Variants in RDH11 observed in about 807,000 individuals in gnomAD.
The protein encoded by RDH11 is HCV core-binding protein HCBP12.
In RDH11, 19 loss-of-function variants were observed where a neutral mutation model predicts 33.4. The observed-to-expected ratio is 0.57, with a 90% CI of 0.40 to 0.83. The LOEUF is 0.83. Ranked by LOEUF, RDH11 falls within the 40% of genes least tolerant of loss-of-function variation. The pLI is 0.00. For missense variants in RDH11, 353 were observed against 389.0 expected, an observed-to-expected ratio of 0.91 and a Z score of 0.78; for synonymous variants, 154 against 155.3, an observed-to-expected ratio of 0.99 and a Z score of 0.06.
intron 6 of RDH11, 31 bp from the exon 7 acceptor site, chr14:67,678,454 A>G: frequency 6.8e-7 from 1 of 1,473,512 alleles, no homozygotes; most frequent in East Asian, 2.3e-5. Flanking sequence ...TATGAAGCAC[A>G]GTGTTAAGAA....
Position 67,678,170 on chromosome 14 carries a change from C to T in RDH11, c.*151G>A, listed in dbSNP as rs964136396. 1.8e-4 allele frequency: 108 copies of T among 586,456 alleles called. No individual in the cohort carries two copies. The highest frequency in any genetic ancestry group is 3.0e-4 in the Non-Finnish European group (97 of 324,848). 36.3% of individuals were successfully genotyped at this position (586,456 alleles called of 1,614,324 possible). ...ACATTTAGACGAATCTGGCAGTACA[C>T]TGAGTTTTAACTGGACACCAAGCAG... On this transcript the variant is annotated 3_prime_UTR_variant, in exon 7 of 7. Transcript: ENST00000381346.
intron 1 of RDH11, among the ~76,000 whole-genome samples, chr14:67,694,407 C>A (rs1395272932): frequency 6.6e-6 from 1 of 150,678 alleles, no homozygotes; most frequent in Non-Finnish European, 1.5e-5. Context: ...CATAACCCTG[C>A]TGAGTTGGGA....
chr14:67,680,607 C>T (rs932977779), intron 6 of RDH11, among the ~76,000 whole-genome samples: 2 of 152,080 alleles, frequency 1.3e-5, no homozygotes, highest in African/African-American at 2.4e-5. Context: ...CACAGGGACA[C>T]GCCACCACGC....
In RDH11 at chr14:67,692,670, C is replaced by A. The variant is rs547247220; in HGVS notation, c.194-77G>T. On this transcript the variant is annotated intron_variant, in intron 2 of 6. Transcript: ENST00000381346. ...ATTATAAATCTAATGTTATTTCCAA[C>A]ATTTTTTTAAAAAACACACATTTTT... is the stretch of plus-strand genomic sequence containing the variant. The A allele has an allele frequency of 3.6e-5, 53 of 1,487,510 alleles. 1 individual carries two copies. In the South Asian group the frequency reaches 7.1e-4, roughly 20 times the overall value. 92.1% of individuals were successfully genotyped at this position (1,487,510 alleles called of 1,614,324 possible). A position where few individuals can be genotyped will look rare whatever the true frequency, so the allele number is the denominator to read the frequency against.
chr14:67,693,996 T>C (rs1301535154), intron 1 of RDH11, among the ~76,000 whole-genome samples: 3 of 152,160 alleles, frequency 2.0e-5, no homozygotes, highest in Admixed American at 6.6e-5. Context: ...CTTTTCCAAA[T>C]GAATGAATGC....
chr14:67,692,947 C>A lies in RDH11; in HGVS notation c.180G>T (p.Glu60Asp). Residue 60 changes from glutamate to aspartate, a missense_variant, in exon 2 of 7, where the codon GAG (glutamate) becomes GAT (aspartate). Coordinates refer to ENST00000381346, the MANE Select transcript of RDH11 (RefSeq NM_016026.4). ...NTGIGKETAK[E>D]LAQRGARVYL... ...AGGTGAACTTGCCTCTCTGAGCCAGCTCTTTGGCTGTCTCCTTCCCGATAC... is the reference window on the plus strand; with the variant it reads ...AGGTGAACTTGCCTCTCTGAGCCAGATCTTTGGCTGTCTCCTTCCCGATAC... 6.2e-7 allele frequency: 1 copy of A among 1,612,616 alleles called. No individual in the cohort carries two copies.
At chr14:67,689,147 T>C (rs1023102887) in intron 5 of RDH11, among the ~76,000 whole-genome samples, 1 of 152,226 alleles carries the variant, frequency 6.6e-6, no homozygotes, top group East Asian at 1.9e-4. Flanking sequence ...CAGTTACCCT[T>C]ATCTATCCTA....
In RDH11 at chr14:67,677,792, G is replaced by A. The variant is rs1566822923; in HGVS notation, c.*529C>T. 6.6e-6 allele frequency: 1 copy of A among 152,576 alleles called. No homozygotes were observed. The highest frequency in any genetic ancestry group is 1.5e-5 in the Non-Finnish European group (1 of 68,382). 9.5% of individuals were successfully genotyped at this position (152,576 alleles called of 1,614,324 possible). A position where few individuals can be genotyped will look rare whatever the true frequency, so the allele number is the denominator to read the frequency against. ...AAAGATATACACAATTTTTAGTAGA[G>A]GTGGGGTTTCACCATGTTGGCCAGG... On this transcript the variant is annotated 3_prime_UTR_variant, in exon 7 of 7. Transcript: ENST00000381346.
At chr14:67,693,248 G>A (rs193166003) in intron 1 of RDH11, among the ~76,000 whole-genome samples, 196 bp from the exon 2 acceptor site, 5 of 152,354 alleles carry the variant, frequency 3.3e-5, no homozygotes, top group Admixed American at 2.6e-4. Flanking sequence ...AAAGACAAAA[G>A]TGATTCTATT....
At chr14:67,685,231 G>A (rs1209542268) in intron 5 of RDH11, 27 bp from the exon 6 acceptor site, 2 of 1,586,944 alleles carry the variant, frequency 1.3e-6, no homozygotes, top group Middle Eastern at 1.7e-4. Flanking sequence ...TGAAGAGAGG[G>A]TAAGACAGGA....
At chr14:67,690,616 T>C in intron 4 of RDH11, 195 bp from the exon 5 acceptor site, 1 of 578,882 alleles carries the variant, frequency 1.7e-6, no homozygotes, top group Non-Finnish European at 3.1e-6. Context: ...GAGGCATCCT[T>C]ATATGAGCGA....
At chr14:67,687,788 T>C (rs2037700329) in intron 5 of RDH11, among the ~76,000 whole-genome samples, 4 of 150,778 alleles carry the variant, frequency 2.7e-5, no homozygotes, top group Admixed American at 2.6e-4. Context: ...TTTTTCATTT[T>C]TTCAGACAGA....
At chr14:67,679,268 T>A (rs1460566103) in intron 6 of RDH11, among the ~76,000 whole-genome samples, 1 of 152,172 alleles carries the variant, frequency 6.6e-6, no homozygotes, top group Admixed American at 6.5e-5. Context: ...GTGACCTAAT[T>A]TACCTCTTAA....
chr14:67,686,397 G>C (rs2037678662), intron 5 of RDH11: 1 of 152,214 alleles, frequency 6.6e-6, no homozygotes, highest in African/African-American at 2.4e-5. Context: ...CTAGCATTTT[G>C]GGAGGCCAAG....
At chr14:67,695,478 C>T (rs2037818538) in intron 1 of RDH11, 152 bp downstream of exon 1, 1 of 684,284 alleles carries the variant, frequency 1.5e-6, no homozygotes, top group Non-Finnish European at 2.4e-6. Flanking sequence ...CCCAGGACAG[C>T]TGGACCTCGC....
rs149358309 is a variant in RDH11, at chr14:67,690,231, T to C, written c.645A>G (p.Glu215=). 1 of 1,613,528 alleles carries C rather than the reference T, an allele frequency of 6.2e-7. No individual in the cohort carries two copies. Among genetic ancestry groups the C allele is most frequent in the Non-Finnish European group, 8.5e-7 (1 of 1,179,984 alleles). The change falls in exon 5 of 7, where the codon GAA becomes GAG. Residue 215 remains glutamate (E), a synonymous_variant. Transcript: ENST00000381346. ...GCCCACCTTTTAGTCTCCGGGCCAG[T>C]TCCTGGGTGAAGAGGATGTTGGCTA... ...SKLANILFTQ[E]LARRLKGSGV... is the part of the protein sequence containing the mutation.
intron 6 of RDH11, 104 bp downstream of exon 6, chr14:67,684,910 AG>A: frequency 1.2e-6 from 1 of 852,638 alleles, no homozygotes; most frequent in South Asian, 2.0e-5. Context: ...AAAAGACAAA[AG>A]CTATATGAGA....
At chr14:67,679,701 G>A (rs964661821) in intron 6 of RDH11, among the ~76,000 whole-genome samples, 1 of 152,166 alleles carries the variant, frequency 6.6e-6, no homozygotes, top group African/African-American at 2.4e-5. Context: ...ACTGCACCCA[G>A]CCTGTAATTC....
At chr14:67,683,130 T>C (rs879365342) in intron 6 of RDH11, among the ~76,000 whole-genome samples, 2 of 152,204 alleles carry the variant, frequency 1.3e-5, no homozygotes, top group Admixed American at 6.5e-5. Flanking sequence ...TGTTCATTTC[T>C]TGATGGTGGT....
Sources: gnomAD v4.1 joint callset for allele counts (sites outside exome capture counted in the v4.1 genomes callset) on GRCh38, gnomAD v4.1.1 for gene constraint, MANE v1.5 for transcripts, NCBI Gene and HGNC (gene_info 2026-07-23, HGNC 2026-07-21) for gene names.